IGF2BP3: variants seen among roughly 807,000 people sequenced by gnomAD.
The protein encoded by IGF2BP3 is insulin-like growth factor 2 mRNA-binding protein 3.
In IGF2BP3, 9 loss-of-function variants were observed where a neutral mutation model predicts 73.8. The observed-to-expected ratio is 0.12, with a 90% CI of 0.07 to 0.21. The LOEUF is 0.21. IGF2BP3 is among the 10% of genes least tolerant of loss of function. IGF2BP3 has a pLI of 1.00. For synonymous variants in IGF2BP3, 258 were observed against 256.7 expected (o/e 1.01, Z -0.05); for missense variants, 542 against 714.0 (o/e 0.76, Z 2.75).
intron 3 of IGF2BP3, among the ~76,000 whole-genome samples, chr7:23,376,214 T>C (rs1785713114): frequency 1.3e-5 from 2 of 152,114 alleles, no homozygotes; most frequent in African/African-American, 4.8e-5. Flanking sequence ...TAAACTCTGC[T>C]GGGAGGAGTG....
At chr7:23,450,960 C>A (rs1017486122) in intron 2 of IGF2BP3, among the ~76,000 whole-genome samples, 2 of 152,294 alleles carry the variant, frequency 1.3e-5, no homozygotes, top group Non-Finnish European at 2.9e-5. Flanking sequence ...ATTATTTATA[C>A]TCCTTCCTTT....
At chr7:23,386,277 G>A (rs1786079548) in intron 3 of IGF2BP3, among the ~76,000 whole-genome samples, 2 of 152,102 alleles carry the variant, frequency 1.3e-5, no homozygotes, top group South Asian at 2.1e-4. Flanking sequence ...GGCAGATGGA[G>A]TGCCTGAGCC....
At chr7:23,426,016 G>A (rs1016498757) in intron 2 of IGF2BP3, among the ~76,000 whole-genome samples, 6 of 151,662 alleles carry the variant, frequency 4.0e-5, no homozygotes, top group African/African-American at 1.5e-4. Flanking sequence ...ACAAAATGGT[G>A]CCAGCAGTCC....
chr7:23,449,752 G>A (rs1447504643), intron 2 of IGF2BP3, among the ~76,000 whole-genome samples: 1 of 151,448 alleles, frequency 6.6e-6, no homozygotes. Flanking sequence ...AGAGACGGGG[G>A]TGGTTTAACT....
At chr7:23,396,965 G>T (rs564144468) in intron 3 of IGF2BP3, among the ~76,000 whole-genome samples, 1 of 152,266 alleles carries the variant, frequency 6.6e-6, no homozygotes, top group African/African-American at 2.4e-5. Context: ...ATGGGAAAGG[G>T]ACTCTGTATG....
intron 3 of IGF2BP3, among the ~76,000 whole-genome samples, chr7:23,387,265 C>T (rs1165717236): frequency 6.6e-6 from 1 of 152,112 alleles, no homozygotes; most frequent in Non-Finnish European, 1.5e-5. Context: ...CAAGTTCCAA[C>T]TGAGGGTCAT....
At chr7:23,433,723 T>C (rs1204445354) in intron 2 of IGF2BP3, among the ~76,000 whole-genome samples, 1 of 150,278 alleles carries the variant, frequency 6.7e-6, no homozygotes, top group Non-Finnish European at 1.5e-5. Context: ...ACAGAGCTTA[T>C]CTAAAACTAA....
chr7:23,323,050 T>G lies in IGF2BP3; in HGVS notation c.1204-3796A>C, dbSNP rs867913752. ...ATAACCAGCTAACATCATAATGACA[T>G]GATCAAATTCACACATAACAATATT... On this transcript the variant is annotated intron_variant, in intron 10 of 14. Coordinates refer to ENST00000258729, the MANE Select transcript of IGF2BP3 (RefSeq NM_006547.3). Among the ~76,000 whole-genome samples the G allele has an allele frequency of 3.6e-3, 550 of 152,150 alleles. 2 individuals carry two copies. The highest frequency in any genetic ancestry group is 0.01 in the Middle Eastern group (3 of 294).
intron 2 of IGF2BP3, among the ~76,000 whole-genome samples, chr7:23,432,080 A>G (rs1447745627): frequency 6.6e-6 from 1 of 152,164 alleles, no homozygotes; most frequent in African/African-American, 2.4e-5. Flanking sequence ...CAGCTCCCAG[A>G]TCTCCATGGT....
chr7:23,430,110 G>A (rs868081426), intron 2 of IGF2BP3, among the ~76,000 whole-genome samples: 11 of 148,540 alleles, frequency 7.4e-5, no homozygotes, highest in Middle Eastern at 3.4e-3. Context: ...TTTTGAGATG[G>A]AATCTCGCTG....
chr7:23,418,488 G>A (rs946784004), intron 3 of IGF2BP3, among the ~76,000 whole-genome samples: 8 of 152,168 alleles, frequency 5.3e-5, no homozygotes, highest in African/African-American at 1.9e-4. Context: ...AAACTCATCA[G>A]AAAGAACTGA....
intron 10 of IGF2BP3, among the ~76,000 whole-genome samples, chr7:23,324,510 C>T (rs1583884999): frequency 8.7e-6 from 1 of 114,604 alleles, no homozygotes; most frequent in Admixed American, 9.6e-5. Flanking sequence ...GAACTGGTAC[C>T]ATTCCTTCTG....
rs1188264139 is a variant in IGF2BP3 at position 23,464,689 on chromosome 7, A to AAAATAAAT, written c.236+3785_236+3792dup. 4.6e-5 allele frequency among the ~76,000 whole-genome samples: 7 copies of AAAATAAAT among 150,814 alleles called. No homozygotes were observed. The East Asian group carries it at 1.4e-3, about 29-fold the overall frequency. ...ACAGAGAGAGACTCCATCTTAAAAA[A>AAAATAAAT]AAATAAATAAATAAAAATAAAAATA... is the stretch of plus-strand genomic sequence containing the variant. On this transcript the variant is annotated intron_variant, in intron 2 of 14. Transcript: ENST00000258729.
intron 3 of IGF2BP3, 73 bp downstream of exon 3, chr7:23,418,702 GA>G (rs1242917780): frequency 5.1e-6 from 5 of 977,270 alleles, no homozygotes; most frequent in Non-Finnish European, 7.8e-6. Context: ...GAGGAAAGGA[GA>G]AAAAGCTTTG....
chr7:23,381,676 C>T (rs1426878763), intron 3 of IGF2BP3, among the ~76,000 whole-genome samples: 1 of 152,086 alleles, frequency 6.6e-6, no homozygotes, highest in African/African-American at 2.4e-5. Context: ...TCAAGCAATT[C>T]TCCTGCCTCG....
intron 2 of IGF2BP3, among the ~76,000 whole-genome samples, chr7:23,464,620 G>T (rs1482254518): frequency 6.6e-6 from 1 of 151,760 alleles, no homozygotes; most frequent in Admixed American, 6.6e-5. Flanking sequence ...GGAGGCAGAG[G>T]TTGCAGTGAG....
intron 6 of IGF2BP3, among the ~76,000 whole-genome samples, chr7:23,350,773 C>T (rs1784940171): frequency 6.6e-6 from 1 of 152,222 alleles, no homozygotes; most frequent in Non-Finnish European, 1.5e-5. Flanking sequence ...ATATTCCAAT[C>T]CCTTAAATCC....
chr7:23,384,922 C>T (rs765531085), intron 3 of IGF2BP3, among the ~76,000 whole-genome samples: 3 of 151,848 alleles, frequency 2.0e-5, no homozygotes, highest in Admixed American at 1.3e-4. Flanking sequence ...AATATCCTAC[C>T]TGGTAGGTTA....
intron 10 of IGF2BP3, among the ~76,000 whole-genome samples, chr7:23,336,583 G>A (rs746941258): frequency 4.0e-5 from 6 of 151,490 alleles, no homozygotes; most frequent in Non-Finnish European, 7.4e-5. Flanking sequence ...TCGGCTCATT[G>A]CAACCTCCAC....
Sources: gnomAD v4.1 joint callset for allele counts (sites outside exome capture counted in the v4.1 genomes callset) on GRCh38, gnomAD v4.1.1 for gene constraint, MANE v1.5 for transcripts, NCBI Gene and HGNC (gene_info 2026-07-23, HGNC 2026-07-21) for gene names.